Variants in DAPK1 observed in about 807,000 individuals in gnomAD.
The protein encoded by DAPK1 is death-associated protein kinase 1.
Under a neutral mutation model 144.9 loss-of-function variants are expected in DAPK1, and 56 were observed. The observed-to-expected ratio is 0.39, with a 90% CI of 0.31 to 0.48. The LOEUF is 0.48. Ranked by LOEUF, DAPK1 falls within the 20% of genes least tolerant of loss-of-function variation. The pLI, the probability that DAPK1 is intolerant of heterozygous loss-of-function variation, is 0.95. For synonymous variants in DAPK1, 690 were observed against 749.0 expected, an observed-to-expected ratio of 0.92 and a Z score of 1.29; for missense variants, 1,454 against 1,875.4, an observed-to-expected ratio of 0.78 and a Z score of 4.15.
chr9:87,690,282 C>G (rs1399250582), intron 21 of DAPK1, among the ~76,000 whole-genome samples: 1 of 151,612 alleles, frequency 6.6e-6, no homozygotes, highest in Non-Finnish European at 1.5e-5. Flanking sequence ...ATGGAAATGC[C>G]CTCTTGATTT....
intron 18 of DAPK1, among the ~76,000 whole-genome samples, chr9:87,658,652 C>G (rs765367074): frequency 6.6e-6 from 1 of 152,212 alleles, no homozygotes; most frequent in Non-Finnish European, 1.5e-5. Flanking sequence ...TTCTCTCACT[C>G]CCTGCTCCCG....
At chr9:87,622,737 CCT>C (rs1564028110) in intron 3 of DAPK1, among the ~76,000 whole-genome samples, 1 of 151,910 alleles carries the variant, frequency 6.6e-6, no homozygotes. Context: ...ACGGTGAAAC[CCT>C]GTCTCCACTA....
chr9:87,706,908 C>T lies in DAPK1; in HGVS notation c.3837C>T (p.Phe1279=), dbSNP rs755212010. The change falls in exon 26 of 26, where the codon TTC becomes TTT. Residue 1279 remains phenylalanine (F), a synonymous_variant. Transcript: ENST00000408954. This position sits in a 1 kb window ranked among gnomAD's most constrained non-coding sequence, Gnocchi z 9.0. ...CCATGGGGGGGTACAAGGAAAGCTT[C>T]AGCAGCATCATGTGCTTCGGGTGTC... ...TNTMGGYKES[F]SSIMCFGCHD... The T allele has an allele frequency of 2.5e-6, 4 of 1,613,994 alleles. No individual in the cohort carries two copies. Among genetic ancestry groups the T allele is most frequent in the East Asian group, 2.2e-5 (1 of 44,876 alleles).
intron 16 of DAPK1, 21 bp from the exon 17 acceptor site, chr9:87,651,506 A>G: frequency 6.2e-7 from 1 of 1,613,256 alleles, no homozygotes; most frequent in Non-Finnish European, 8.5e-7. Context: ...AGCTCTCATG[A>G]TCTCTGGGGT....
intron 4 of DAPK1, 48 bp downstream of exon 4, chr9:87,638,129 C>T: frequency 6.5e-7 from 1 of 1,533,608 alleles, no homozygotes; most frequent in East Asian, 2.3e-5. Context: ...AGATCACAGC[C>T]TTGGTTGTTT....
intron 2 of DAPK1, among the ~76,000 whole-genome samples, chr9:87,546,314 G>A (rs574142855): frequency 6.6e-5 from 10 of 152,274 alleles, no homozygotes; most frequent in East Asian, 1.9e-4. Context: ...GAGAGCAAGA[G>A]CCTCTACTGT....
chr9:87,500,790 T>G (rs1324245394), intron 2 of DAPK1, among the ~76,000 whole-genome samples: 1 of 152,196 alleles, frequency 6.6e-6, no homozygotes, highest in Non-Finnish European at 1.5e-5. Context: ...TGTACATTTT[T>G]GTGTATAACG....
intron 3 of DAPK1, among the ~76,000 whole-genome samples, chr9:87,635,039 G>T (rs192394385): frequency 6.6e-6 from 1 of 152,260 alleles, no homozygotes; most frequent in Admixed American, 6.5e-5. Flanking sequence ...GGAGTCAGAG[G>T]CTCAGCAAGG....
At chr9:87,580,807 G>A (rs537350120) in intron 2 of DAPK1, among the ~76,000 whole-genome samples, 5 of 152,258 alleles carry the variant, frequency 3.3e-5, no homozygotes, top group African/African-American at 4.8e-5. Context: ...AGGACCGAGC[G>A]GTTAAGCTTC....
At chr9:87,603,609 T>C (rs568959284) in intron 2 of DAPK1, among the ~76,000 whole-genome samples, 101 of 152,350 alleles carry the variant, frequency 6.6e-4, no homozygotes, top group African/African-American at 2.4e-3. Flanking sequence ...TCTCTGGCTT[T>C]TGTCTTCGTG....
intron 24 of DAPK1, among the ~76,000 whole-genome samples, chr9:87,702,766 A>G (rs1825498317): frequency 6.6e-6 from 1 of 152,200 alleles, no homozygotes; most frequent in Non-Finnish European, 1.5e-5. Context: ...CTAGCCAGAC[A>G]CAGTGGTGTG....
At chr9:87,507,897 C>T (rs1444906513) in intron 2 of DAPK1, among the ~76,000 whole-genome samples, 1 of 152,168 alleles carries the variant, frequency 6.6e-6, no homozygotes. Flanking sequence ...ATGAGGCTGG[C>T]TGGCAAATAT....
intron 2 of DAPK1, among the ~76,000 whole-genome samples, chr9:87,583,047 T>G (rs1433275857): frequency 6.6e-6 from 1 of 152,136 alleles, no homozygotes; most frequent in African/African-American, 2.4e-5. Context: ...GTCAAGGGTA[T>G]ATACAGTTGG....
Position 87,648,792 on chromosome 9 carries a change from G to A in DAPK1, c.1341G>A (p.Met447Ile). Residue 447 changes from methionine to isoleucine, a missense_variant, in exon 15 of 26, where the codon ATG (methionine) becomes ATA (isoleucine). Physicochemically the swap from Met to Ile is conservative, Grantham distance 10. Coordinates refer to ENST00000408954, the MANE Select transcript of DAPK1 (RefSeq NM_004938.4). Reference sequence around the variant, plus strand: ...CTTTTCTTCTGCAGTCTGGAGAGATGGCCCTCCACGTGGCAGCTCGCTATG... The same window carrying A: ...CTTTTCTTCTGCAGTCTGGAGAGATAGCCCTCCACGTGGCAGCTCGCTATG... ...PLDVKDKSGE[M>I]ALHVAARYGH... 1 of 1,614,044 alleles carries A rather than the reference G, an allele frequency of 6.2e-7. No homozygotes were observed. The highest frequency in any genetic ancestry group is 8.5e-7 in the Non-Finnish European group (1 of 1,179,848).
chr9:87,613,186 A>C (rs1010790348), intron 3 of DAPK1, among the ~76,000 whole-genome samples: 7 of 152,240 alleles, frequency 4.6e-5, no homozygotes, highest in African/African-American at 1.7e-4. Context: ...ATATTTAAAA[A>C]GGTAAATTTT....
intron 19 of DAPK1, among the ~76,000 whole-genome samples, chr9:87,680,366 A>G (rs891083107): frequency 6.6e-6 from 1 of 152,132 alleles, no homozygotes; most frequent in African/African-American, 2.4e-5. Flanking sequence ...CAGCCTCCCA[A>G]AGTGCTGGGA....
chr9:87,676,760 C>G (rs1487180342), intron 19 of DAPK1, among the ~76,000 whole-genome samples: 2 of 152,196 alleles, frequency 1.3e-5, no homozygotes, highest in Admixed American at 6.5e-5. Context: ...AAAGGGTGCC[C>G]TATTCAGGAA....
chr9:87,637,606 C>T (rs1432487733), intron 3 of DAPK1, among the ~76,000 whole-genome samples: 2 of 152,068 alleles, frequency 1.3e-5, no homozygotes, highest in Non-Finnish European at 2.9e-5. Context: ...ATTTTTTTCT[C>T]GTCATTAGAG....
chr9:87,591,182 A>C (rs912855927), intron 2 of DAPK1, among the ~76,000 whole-genome samples: 1 of 152,194 alleles, frequency 6.6e-6, no homozygotes, highest in Admixed American at 6.5e-5. Flanking sequence ...GGCCCATGTG[A>C]GGTCCGTCCT....
Sources: allele counts gnomAD v4.1 joint callset (sites outside exome capture counted in the v4.1 genomes callset), GRCh38; gene constraint gnomAD v4.1.1; non-coding constraint Gnocchi (gnomAD v3.1); transcripts MANE v1.5; gene names NCBI Gene and HGNC (gene_info 2026-07-23, HGNC 2026-07-21).